KIF5C: variants seen among roughly 807,000 people sequenced by gnomAD.
KIF5C encodes the protein kinesin heavy chain isoform 5C.
In KIF5C, 18 loss-of-function variants were observed where a neutral mutation model predicts 125.2. The observed-to-expected ratio is 0.14, with a 90% CI of 0.10 to 0.21. The LOEUF (loss-of-function observed/expected upper bound fraction) is 0.21. Ranked by LOEUF, KIF5C falls within the 10% of genes least tolerant of loss-of-function variation. The pLI is 1.00. For synonymous variants in KIF5C, 405 were observed against 434.0 expected (o/e 0.93, Z 0.83); for missense variants, 780 against 1,183.8 (o/e 0.66, Z 5.01).
In KIF5C at chr2:148,887,833, G is replaced by A. The variant is rs545125466; in HGVS notation, c.126+12090G>A. Among the ~76,000 whole-genome samples the A allele has an allele frequency of 1.3e-3, 193 of 150,298 alleles. 1 individual carries two copies. The Middle Eastern group carries it at 0.021, about 16-fold the overall frequency. Reference sequence around the variant, plus strand: ...CCTTCCCGCCCTCCCCACGCTAGTAGTACGCTTCGGTTACTTTGCACTTCT... The same window carrying A: ...CCTTCCCGCCCTCCCCACGCTAGTAATACGCTTCGGTTACTTTGCACTTCT... On this transcript the variant is annotated intron_variant, in intron 1 of 25. Transcript: ENST00000435030.
chr2:148,958,440 T>C (rs1043939953), intron 10 of KIF5C, among the ~76,000 whole-genome samples: 23 of 152,328 alleles, frequency 1.5e-4, no homozygotes, highest in African/African-American at 5.5e-4. Context: ...GCTAATGATG[T>C]TAAACACCTT....
intron 1 of KIF5C, chr2:148,888,331 C>T (rs1681609794): frequency 6.6e-6 from 1 of 152,254 alleles, no homozygotes; most frequent in South Asian, 2.1e-4. Context: ...GATGAAACCT[C>T]CTGTTCTGGA....
At chr2:149,005,293 A>G (rs1436371189) in intron 21 of KIF5C, 100 bp from the exon 22 acceptor site, 8 of 1,542,148 alleles carry the variant, frequency 5.2e-6, no homozygotes, top group Non-Finnish European at 7.0e-6. Flanking sequence ...AGCGGCGTCC[A>G]TGGCAGGCTT....
intron 1 of KIF5C, among the ~76,000 whole-genome samples, chr2:148,907,101 C>G (rs1045550106): frequency 6.6e-6 from 1 of 152,150 alleles, no homozygotes; most frequent in African/African-American, 2.4e-5. Context: ...CTGAGAAGGA[C>G]AATGAAGGTG....
chr2:148,894,985 TTAATATATATAAAA>T (rs1362219062), intron 1 of KIF5C, among the ~76,000 whole-genome samples: 1 of 150,048 alleles, frequency 6.7e-6, no homozygotes, highest in Non-Finnish European at 1.5e-5. Flanking sequence ...TCTAAAATAC[TTAATATATATAAAA>T]TAATATATAT....
At chr2:149,008,905 G>A (rs971296802) in intron 23 of KIF5C, among the ~76,000 whole-genome samples, 4 of 151,876 alleles carry the variant, frequency 2.6e-5, no homozygotes, top group East Asian at 1.9e-4. Flanking sequence ...TGAGAAATAC[G>A]AAAGCAGAAA....
Position 148,881,719 on chromosome 2 carries a change from C to CAGGTTTCCCACCTGTGTCTACTTATG in KIF5C, c.126+5976_126+5977insAGGTTTCCCACCTGTGTCTACTTATG, listed in dbSNP as rs1558869803. Reference sequence around the variant, plus strand: ...TTTGATTTCCCTTTAGTCCTTACCTCTAAATCATCGTGGTGATTTAGAGGG... The same window carrying CAGGTTTCCCACCTGTGTCTACTTATG: ...TTTGATTTCCCTTTAGTCCTTACCTCAGGTTTCCCACCTGTGTCTACTTATGTAAATCATCGTGGTGATTTAGAGGG... On this transcript the variant is annotated intron_variant, in intron 1 of 25. Coordinates refer to ENST00000435030, the MANE Select transcript of KIF5C (RefSeq NM_004522.3). Among the ~76,000 whole-genome samples the CAGGTTTCCCACCTGTGTCTACTTATG allele has an allele frequency of 1.3e-3, 197 of 151,730 alleles. 7 individuals carry two copies. The highest frequency in any genetic ancestry group is 4.5e-3 in the African/African-American group (186 of 41,042).
chr2:148,968,287 C>T lies in KIF5C; in HGVS notation c.1118-5049C>T, dbSNP rs117223355. Reference sequence around the variant, plus strand: ...GTGTGGAAAAATCGGCAGTCTCTAACGCAGATTTGTTCATCCAGTTCAAAA... The same window carrying T: ...GTGTGGAAAAATCGGCAGTCTCTAATGCAGATTTGTTCATCCAGTTCAAAA... On this transcript the variant is annotated intron_variant, in intron 11 of 25. Transcript: ENST00000435030. Among the ~76,000 whole-genome samples the T allele has an allele frequency of 2.5e-4, 38 of 152,268 alleles. 2 individuals carry two copies. In the East Asian group the frequency reaches 6.9e-3, roughly 28 times the overall value.
intron 12 of KIF5C, 116 bp downstream of exon 12, chr2:148,973,627 A>G (rs1159633643): frequency 8.7e-6 from 12 of 1,379,060 alleles, no homozygotes; most frequent in Non-Finnish European, 1.1e-5. Context: ...CTGGTTTCCT[A>G]ATACCTACCC....
intron 9 of KIF5C, among the ~76,000 whole-genome samples, 163 bp downstream of exon 9, chr2:148,950,106 C>G (rs539129826): frequency 9.9e-5 from 15 of 152,268 alleles, no homozygotes; most frequent in African/African-American, 2.9e-4. Flanking sequence ...GAGTTCCCAT[C>G]TACTAAAAAG....
At chr2:148,954,925 G>C (rs570588132) in intron 10 of KIF5C, among the ~76,000 whole-genome samples, 13 of 152,246 alleles carry the variant, frequency 8.5e-5, no homozygotes, top group African/African-American at 3.1e-4. Flanking sequence ...TCCTGTTGGG[G>C]GGCCTGTTGC....
At chr2:149,008,747 G>A (rs1309190757) in intron 23 of KIF5C, among the ~76,000 whole-genome samples, 1 of 152,070 alleles carries the variant, frequency 6.6e-6, no homozygotes, top group Admixed American at 6.6e-5. Context: ...TGATGGAAAC[G>A]GCCCAAGTTT....
Position 148,942,774 on chromosome 2 carries a change from G to T in KIF5C, c.589+14G>T. ...TGGCTGTGACAAGTAAGCATGGTGG[G>T]GGTGTTTCCTCCCCTGCAGCTTGGG... On this transcript the variant is annotated intron_variant, in intron 7 of 25. Transcript: ENST00000435030. The T allele has an allele frequency of 1.2e-6, 2 of 1,603,434 alleles. No individual in the cohort carries two copies. Among genetic ancestry groups the T allele is most frequent in the East Asian group, 2.2e-5 (1 of 44,506 alleles).
chr2:149,008,892 C>T (rs1358118740), intron 23 of KIF5C, among the ~76,000 whole-genome samples: 3 of 151,352 alleles, frequency 2.0e-5, no homozygotes, highest in Non-Finnish European at 2.9e-5. Flanking sequence ...AACAAATTGT[C>T]GATGAGAAAT....
At chr2:149,004,235 T>C (rs1681939070) in intron 21 of KIF5C, among the ~76,000 whole-genome samples, 1 of 152,270 alleles carries the variant, frequency 6.6e-6, no homozygotes, top group Non-Finnish European at 1.5e-5. Flanking sequence ...AGAACCTTTA[T>C]TGCAAGAAAC....
chr2:148,879,271 G>C (rs774810284), intron 1 of KIF5C: 6 of 152,202 alleles, frequency 3.9e-5, no homozygotes, highest in Non-Finnish European at 8.8e-5. Context: ...CCAGGGCTTT[G>C]TCTGTAGAAG....
rs549466644 is a variant in KIF5C, at chr2:148,883,328, T to C, written c.126+7585T>C. The stretch of plus-strand genomic sequence containing the variant: ...CATCCTGGCTAACATGGTGAAACCC[T>C]GTCTCTACTAAAAATACAAAAAATT... On this transcript the variant is annotated intron_variant, in intron 1 of 25. Coordinates refer to ENST00000435030, the MANE Select transcript of KIF5C (RefSeq NM_004522.3). Among the ~76,000 whole-genome samples the C allele has an allele frequency of 3.1e-3, 472 of 152,130 alleles. 2 individuals are homozygous for C. Among genetic ancestry groups the C allele is most frequent in the Non-Finnish European group, 5.4e-3 (369 of 67,990 alleles).
At chr2:148,950,790 CAGAGCG>C (rs1682639428) in intron 10 of KIF5C, among the ~76,000 whole-genome samples, 1 of 145,304 alleles carries the variant, frequency 6.9e-6, no homozygotes, top group Admixed American at 7.0e-5. Context: ...GCCTGGGCGA[CAGAGCG>C]AGACTGTCTC....
intron 2 of KIF5C, 35 bp from the exon 3 acceptor site, chr2:148,929,246 A>G (rs1682115214): frequency 1.5e-6 from 2 of 1,343,048 alleles, no homozygotes; most frequent in Non-Finnish European, 2.1e-6. Context: ...GATCAAAGTA[A>G]TGAGTTAATT....
Sources: gnomAD v4.1 joint callset for allele counts (sites outside exome capture counted in the v4.1 genomes callset) on GRCh38, gnomAD v4.1.1 for gene constraint, MANE v1.5 for transcripts, NCBI Gene and HGNC (gene_info 2026-07-23, HGNC 2026-07-21) for gene names.